The following CSNK1G1 variants were observed in gnomAD, a reference collection of about 807,000 sequenced individuals.
CSNK1G1 encodes the protein casein kinase 1 gamma 1.
In CSNK1G1, 22 loss-of-function variants were observed where a neutral mutation model predicts 59.6. That is an observed-to-expected ratio of 0.37 (90% CI 0.26 to 0.53). CSNK1G1 has a LOEUF of 0.53. CSNK1G1 is among the 20% of genes least tolerant of loss of function. The probability of loss-of-function intolerance (pLI) is 0.89; values close to 1 mark genes in which losing one functional copy is unlikely to be tolerated. For missense variants in CSNK1G1, 384 were observed against 519.5 expected, an observed-to-expected ratio of 0.74 and a Z score of 2.54; for synonymous variants, 179 against 177.1, an observed-to-expected ratio of 1.01 and a Z score of -0.08.
Position 64,207,489 on chromosome 15 carries a change from C to A in CSNK1G1, c.765+20G>T, listed in dbSNP as rs561926922. Reference sequence around the variant, plus strand: ...CTGAGCATTGAAACAAAGCCCTCCACTGAACACTTTCAAGGATACCTTGAG... The same window carrying A: ...CTGAGCATTGAAACAAAGCCCTCCAATGAACACTTTCAAGGATACCTTGAG... On this transcript the variant is annotated intron_variant, in intron 7 of 11. Transcript: ENST00000303052. The A allele has an allele frequency of 6.4e-7, 1 of 1,567,368 alleles. No individual in the cohort carries two copies. The highest frequency in any genetic ancestry group is 1.4e-5 in the African/African-American group (1 of 74,018).
rs2082096941 is a variant in CSNK1G1, at chr15:64,200,808, GT to G, written c.1107+2273del. 1.3e-5 allele frequency among the ~76,000 whole-genome samples: 2 copies of G among 152,200 alleles called. No homozygotes were observed. The highest frequency in any genetic ancestry group is 2.9e-5 in the Non-Finnish European group (2 of 68,038). On this transcript the variant is annotated intron_variant, in intron 10 of 11. Transcript: ENST00000303052. The surrounding 1 kb of genome is among the most constrained non-coding windows in gnomAD (Gnocchi z 4.3). The stretch of plus-strand genomic sequence containing the variant: ...TAACCCAGTTTATTCAATAAAGGAT[GT>G]GAAGTAGATTTATAACCATGCCTTT...
chr15:64,282,965 C>G (rs1894223882), intron 2 of CSNK1G1, among the ~76,000 whole-genome samples: 1 of 152,072 alleles, frequency 6.6e-6, no homozygotes, highest in African/African-American at 2.4e-5. Context: ...AAAGTCTATT[C>G]AAATCTTTGG....
intron 10 of CSNK1G1, among the ~76,000 whole-genome samples, chr15:64,197,584 C>G (rs1297773856): frequency 6.6e-6 from 1 of 152,168 alleles, no homozygotes; most frequent in Non-Finnish European, 1.5e-5. Context: ...TAGATTATAT[C>G]ACTGTAGCAT....
At chr15:64,320,594 G>A (rs1328516570) in intron 1 of CSNK1G1, among the ~76,000 whole-genome samples, 2 of 150,542 alleles carry the variant, frequency 1.3e-5, no homozygotes, top group Non-Finnish European at 2.9e-5. Flanking sequence ...CGGGAGAATC[G>A]CTTGAGCCCA....
intron 1 of CSNK1G1, among the ~76,000 whole-genome samples, chr15:64,301,255 T>C (rs1466432820): frequency 6.6e-6 from 1 of 152,012 alleles, no homozygotes; most frequent in African/African-American, 2.4e-5. Context: ...TGGTATTAAG[T>C]AGTCCTAAAG....
intron 10 of CSNK1G1, chr15:64,194,304 G>C (rs904500687): frequency 6.6e-6 from 1 of 151,074 alleles, no homozygotes; most frequent in African/African-American, 2.4e-5. Context: ...GAACTAAACA[G>C]TACTCTGTAA....
intron 4 of CSNK1G1, among the ~76,000 whole-genome samples, chr15:64,225,006 C>CT (rs750533422): frequency 0.12 from 14,997 of 121,844 alleles, 1,453 homozygotes; most frequent in African/African-American, 0.26. Context: ...ATACACTTTT[C>CT]TTTTTTTTTT....
chr15:64,350,075 C>T (rs1898197932), intron 1 of CSNK1G1, among the ~76,000 whole-genome samples: 1 of 152,050 alleles, frequency 6.6e-6, no homozygotes, highest in Non-Finnish European at 1.5e-5. Flanking sequence ...AGTTAAAAAT[C>T]CTCAGAAGAA....
intron 10 of CSNK1G1, 81 bp from the exon 11 acceptor site, chr15:64,180,535 A>C: frequency 9.2e-7 from 1 of 1,089,420 alleles, no homozygotes. Flanking sequence ...GTCGCTAAAC[A>C]GGCAGTGTCT....
At chr15:64,337,767 C>G (rs1897466346) in intron 1 of CSNK1G1, among the ~76,000 whole-genome samples, 1 of 152,096 alleles carries the variant, frequency 6.6e-6, no homozygotes. Flanking sequence ...TTCTCATTAT[C>G]CTCAACATTA....
rs1892092762 is a variant in CSNK1G1 at position 64,251,666 on chromosome 15, A to G, written c.223-85T>C. 3.4e-6 allele frequency: 3 copies of G among 889,724 alleles called. No individual in the cohort carries two copies. The East Asian group carries it at 7.4e-5, about 22-fold the overall frequency. 55.1% of individuals were successfully genotyped at this position (889,724 alleles called of 1,614,324 possible). A position where few individuals can be genotyped will look rare whatever the true frequency, so the allele number is the denominator to read the frequency against. On this transcript the variant is annotated intron_variant, in intron 3 of 11. Coordinates refer to ENST00000303052, the MANE Select transcript of CSNK1G1 (RefSeq NM_022048.5). ...AAATTTTTGGAGTAAACGAGGGCTA[A>G]GATCACCCAATGTTTTAGAGATAAT...
rs942082946 is a variant in CSNK1G1 at position 64,167,415 on chromosome 15, G to C, written c.*4516C>G. The C allele has an allele frequency of 6.6e-6, 1 of 152,632 alleles. No homozygotes were observed. The allele number at this position is 152,632 out of a possible 1,614,324, so 9.5% of individuals were successfully genotyped here. A position where few individuals can be genotyped will look rare whatever the true frequency, so the allele number is the denominator to read the frequency against. On this transcript the variant is annotated 3_prime_UTR_variant, in exon 12 of 12. Transcript: ENST00000303052. ...ATCAACCCCTCATGGGAAAGACTAG[G>C]AGTCTCTGCCATCGACCTCTAGACA...
intron 2 of CSNK1G1, among the ~76,000 whole-genome samples, chr15:64,278,055 A>C (rs954724265): frequency 6.7e-6 from 1 of 149,062 alleles, no homozygotes; most frequent in Non-Finnish European, 1.5e-5. Flanking sequence ...TAAAATATAT[A>C]TATTTTTTGA....
chr15:64,337,695 C>T (rs1897463139), intron 1 of CSNK1G1, among the ~76,000 whole-genome samples: 1 of 152,092 alleles, frequency 6.6e-6, no homozygotes, highest in Non-Finnish European at 1.5e-5. Context: ...ATGTACAATT[C>T]AGTGGCATGA....
At chr15:64,251,129 T>A (rs898511748) in intron 4 of CSNK1G1, among the ~76,000 whole-genome samples, 6 of 152,236 alleles carry the variant, frequency 3.9e-5, no homozygotes, top group African/African-American at 1.4e-4. Context: ...TTTTAGTATG[T>A]CTTCAAAACA....
chr15:64,314,412 T>C (rs1483850476), intron 1 of CSNK1G1, among the ~76,000 whole-genome samples: 1 of 151,976 alleles, frequency 6.6e-6, no homozygotes, highest in Non-Finnish European at 1.5e-5. Flanking sequence ...ATGTTATAAT[T>C]TATGAATATA....
chr15:64,292,641 C>G (rs1894805802), intron 2 of CSNK1G1, among the ~76,000 whole-genome samples: 1 of 152,060 alleles, frequency 6.6e-6, no homozygotes, highest in East Asian at 1.9e-4. Context: ...AGAAATATCA[C>G]CAGCCAGGTG....
chr15:64,261,638 T>G lies in CSNK1G1; in HGVS notation c.182-2397A>C, dbSNP rs148678812. 2.8e-4 allele frequency among the ~76,000 whole-genome samples: 42 copies of G among 151,932 alleles called. No individual in the cohort carries two copies. In the East Asian group the frequency reaches 7.8e-3, roughly 28 times the overall value. On this transcript the variant is annotated intron_variant, in intron 2 of 11. Transcript: ENST00000303052. ...CAACAAAAAACAAAACAAAACCAAC[T>G]AATTTTAGCACAGGCTTAACCCTAA...
intron 1 of CSNK1G1, among the ~76,000 whole-genome samples, chr15:64,319,230 T>C (rs1896433061): frequency 6.6e-6 from 1 of 152,164 alleles, no homozygotes; most frequent in African/African-American, 2.4e-5. Flanking sequence ...GGTTCAAATT[T>C]ACTGTGATGC....
Sources: allele counts gnomAD v4.1 joint callset (sites outside exome capture counted in the v4.1 genomes callset), GRCh38; gene constraint gnomAD v4.1.1; non-coding constraint Gnocchi (gnomAD v3.1); transcripts MANE v1.5; gene names NCBI Gene and HGNC (gene_info 2026-07-23, HGNC 2026-07-21).